Variants in PABPC1 observed in about 807,000 individuals in gnomAD.
The protein encoded by PABPC1 is poly(A) binding protein cytoplasmic 1.
PABPC1 carries 4 observed loss-of-function variants against 74.0 expected under a neutral mutation model. The ratio of observed to expected loss-of-function variants is 0.05; its 90% CI spans 0.03 to 0.12. PABPC1 has a LOEUF of 0.12. Ranked by LOEUF, PABPC1 falls within the 10% of genes least tolerant of loss-of-function variation. The pLI is 1.00. For missense variants in PABPC1, 271 were observed against 821.1 expected, an observed-to-expected ratio of 0.33 and a Z score of 8.19; for synonymous variants, 227 against 264.1, an observed-to-expected ratio of 0.86 and a Z score of 1.36.
chr8:100,714,040 G>A (rs865858294), intron 4 of PABPC1, among the ~76,000 whole-genome samples: 4 of 152,196 alleles, frequency 2.6e-5, no homozygotes, highest in South Asian at 4.1e-4. Flanking sequence ...TAACTGAGGC[G>A]GGTGGTATCT....
chr8:100,714,599 C>T (rs781294237), intron 4 of PABPC1, among the ~76,000 whole-genome samples: 18 of 151,996 alleles, frequency 1.2e-4, no homozygotes, highest in Admixed American at 4.6e-4. Flanking sequence ...GGCATGGTGG[C>T]GCACACCTGT....
Position 100,721,277 on chromosome 8 carries a change from G to T in PABPC1, c.193+114C>A. 2.5e-6 allele frequency: 1 copy of T among 399,840 alleles called. No homozygotes were observed. Among genetic ancestry groups the T allele is most frequent in the Non-Finnish European group, 3.5e-6 (1 of 283,182 alleles). The allele number at this position is 399,840 out of a possible 1,614,324, so 24.8% of individuals were successfully genotyped here. A position where few individuals can be genotyped will look rare whatever the true frequency, so the allele number is the denominator to read the frequency against. On this transcript the variant is annotated intron_variant, in intron 1 of 14. Transcript: ENST00000318607. The surrounding 1 kb of genome is among the most constrained non-coding windows in gnomAD (Gnocchi z 7.4). ...GCGCCTTCCCGCCGGCCGTCGCGGG[G>T]TGACATGCCCTCCCGCCCCCCTCCC...
At chr8:100,708,422 C>T (rs1286239044) in intron 9 of PABPC1, among the ~76,000 whole-genome samples, 3 of 152,130 alleles carry the variant, frequency 2.0e-5, no homozygotes, top group African/African-American at 7.2e-5. Flanking sequence ...TGCCACTGCA[C>T]TCCAGACTAG....
chr8:100,716,480 G>A (rs556497643), intron 3 of PABPC1, among the ~76,000 whole-genome samples: 1 of 152,144 alleles, frequency 6.6e-6, no homozygotes, highest in Non-Finnish European at 1.5e-5. Flanking sequence ...CAGCAAAGCA[G>A]AAGGAAAAAC....
At chr8:100,704,592 T>C (rs1810332987) in intron 13 of PABPC1, among the ~76,000 whole-genome samples, 1 of 152,242 alleles carries the variant, frequency 6.6e-6, no homozygotes, top group African/African-American at 2.4e-5. Context: ...TCCCCTGCAC[T>C]ACTCTTTCCT....
intron 4 of PABPC1, 93 bp downstream of exon 4, chr8:100,715,369 T>G (rs945325212): frequency 9.6e-6 from 11 of 1,150,672 alleles, no homozygotes; most frequent in Non-Finnish European, 1.2e-5. Flanking sequence ...AAGTCTAATT[T>G]TATTGACTTT....
Position 100,721,376 on chromosome 8 carries a change from G to C in PABPC1, c.193+15C>G, listed in dbSNP as rs568773580. 1.4e-6 allele frequency: 2 copies of C among 1,452,058 alleles called. No individual in the cohort carries two copies. Among genetic ancestry groups the C allele is most frequent in the African/African-American group, 1.4e-5 (1 of 69,264 alleles). The allele number at this position is 1,452,058 out of a possible 1,614,324, so 89.9% of individuals were successfully genotyped here. On this transcript the variant is annotated intron_variant, in intron 1 of 14. Transcript: ENST00000318607. This position sits in a 1 kb window ranked among gnomAD's most constrained non-coding sequence, Gnocchi z 7.4. The stretch of plus-strand genomic sequence containing the variant: ...CCGCCCGCCCGCCCGGCCGACCGCG[G>C]AGCCCGGCGCTCACCGTCCGCCGGC...
intron 3 of PABPC1, among the ~76,000 whole-genome samples, chr8:100,716,849 A>G (rs976674718): frequency 2.2e-4 from 33 of 152,240 alleles, no homozygotes; most frequent in African/African-American, 6.8e-4. Context: ...CTGAAACTTT[A>G]TGAAAGACAC....
chr8:100,718,062 T>A (rs766011404), intron 2 of PABPC1, 25 bp downstream of exon 2: 7 of 1,585,974 alleles, frequency 4.4e-6, no homozygotes, highest in Non-Finnish European at 6.1e-6. Context: ...AATGTAAACA[T>A]GTGTATCGGA....
intron 14 of PABPC1, among the ~76,000 whole-genome samples, chr8:100,703,825 G>A (rs185437895): frequency 1.4e-4 from 22 of 152,260 alleles, no homozygotes; most frequent in African/African-American, 4.1e-4. Flanking sequence ...CGAGGTGGGC[G>A]GATCACTTGA....
At chr8:100,715,749 T>G (rs925263365) in intron 3 of PABPC1, 148 bp from the exon 4 acceptor site, 23 of 528,126 alleles carry the variant, frequency 4.4e-5, no homozygotes, top group Middle Eastern at 3.8e-4. Flanking sequence ...AGGGCCATAA[T>G]TTAAGATATG....
chr8:100,715,682 T>C (rs1349939951), intron 3 of PABPC1, 81 bp from the exon 4 acceptor site: 1 of 979,812 alleles, frequency 1.0e-6, no homozygotes, highest in Non-Finnish European at 1.5e-6. Context: ...TTGGTTTTGT[T>C]ACTGTTAATG....
Position 100,709,715 on chromosome 8 carries a change from C to A in PABPC1, c.989G>T (p.Gly330Val). The A allele has an allele frequency of 6.2e-7, 1 of 1,613,110 alleles. No individual in the cohort carries two copies. Among genetic ancestry groups the A allele is most frequent in the Non-Finnish European group, 8.5e-7 (1 of 1,179,336 alleles). ...ITSAKVMMEG[G>V]RSKGFGFVCF... ...TACAAAACCAAACCCTTTGCTGCGA[C>A]CACCCTCCATCATAACCTATTAAAA... Residue 330 changes from glycine to valine, a missense_variant, in exon 8 of 15, where the codon GGT becomes GTT. Physicochemically the swap from Gly to Val is moderately radical, Grantham distance 109. Transcript: ENST00000318607.
intron 11 of PABPC1, 31 bp from the exon 12 acceptor site, chr8:100,705,704 A>C: frequency 7.0e-7 from 1 of 1,427,660 alleles, no homozygotes; most frequent in Non-Finnish European, 9.9e-7. Flanking sequence ...CTTAAGTTTA[A>C]AGCACAGAAA....
chr8:100,719,002 CA>C (rs1363418405), intron 1 of PABPC1, among the ~76,000 whole-genome samples: 1 of 152,218 alleles, frequency 6.6e-6, no homozygotes, highest in Non-Finnish European at 1.5e-5. Context: ...GCTCTCTTGA[CA>C]CATACAATCA....
intron 7 of PABPC1, among the ~76,000 whole-genome samples, chr8:100,711,278 A>T (rs1345406724): frequency 1.3e-5 from 2 of 151,940 alleles, no homozygotes; most frequent in Non-Finnish European, 2.9e-5. Flanking sequence ...ACTCGTCTTT[A>T]AAAAAGACAA....
intron 12 of PABPC1, 105 bp from the exon 13 acceptor site, chr8:100,705,161 G>A (rs1050312427): frequency 1.2e-5 from 10 of 864,750 alleles, no homozygotes; most frequent in Non-Finnish European, 1.8e-5. Context: ...TCTGTCTCAC[G>A]TATATAATAA....
intron 4 of PABPC1, among the ~76,000 whole-genome samples, chr8:100,713,383 C>A (rs985151192): frequency 2.6e-5 from 4 of 152,202 alleles, no homozygotes; most frequent in Non-Finnish European, 2.9e-5. Context: ...CTTCCCTCCC[C>A]TGAAGGATTC....
intron 1 of PABPC1, among the ~76,000 whole-genome samples, chr8:100,720,765 G>A (rs762242551): frequency 2.6e-5 from 4 of 152,108 alleles, no homozygotes; most frequent in Admixed American, 6.6e-5. Context: ...TCCATTCCTA[G>A]ATCCATCAGT....
Sources: gnomAD v4.1 joint callset for allele counts (sites outside exome capture counted in the v4.1 genomes callset) on GRCh38, gnomAD v4.1.1 for gene constraint, Gnocchi (gnomAD v3.1) non-coding constraint, MANE v1.5 for transcripts, NCBI Gene and HGNC (gene_info 2026-07-23, HGNC 2026-07-21) for gene names.